Variants in DSCAML1 observed in about 807,000 individuals in gnomAD.
DSCAML1 encodes the protein cell adhesion molecule DSCAML1.
A neutral mutation model predicts 200.5 loss-of-function variants in DSCAML1; 38 were observed. The observed-to-expected ratio is 0.19, with a 90% confidence interval of 0.15 to 0.25. The LOEUF (loss-of-function observed/expected upper bound fraction) is 0.25. DSCAML1 is among the 10% of genes least tolerant of loss of function. DSCAML1 has a pLI of 1.00. For missense variants in DSCAML1, 2,223 were observed against 2,858.8 expected (o/e 0.78, Z 5.07); for synonymous variants, 1,215 against 1,165.0 (o/e 1.04, Z -0.87).
At chr11:117,699,468 T>C (rs961769761) in intron 3 of DSCAML1, among the ~76,000 whole-genome samples, 1 of 152,076 alleles carries the variant, frequency 6.6e-6, no homozygotes. Context: ...GACGGCAAAG[T>C]CCGAAGGGAG....
intron 3 of DSCAML1, among the ~76,000 whole-genome samples, chr11:117,564,755 C>CTCTCTT (rs386375018): frequency 8.7e-5 from 13 of 148,660 alleles, no homozygotes; most frequent in African/African-American, 2.7e-4. Context: ...TTCTCTCTCT[C>CTCTCTT]TCTTTCTTTC....
chr11:117,783,450 G>A lies in DSCAML1; in HGVS notation c.47-2640C>T, dbSNP rs184498723. 6.2e-4 allele frequency among the ~76,000 whole-genome samples: 94 copies of A among 152,266 alleles called. 1 individual carries two copies. The highest frequency in any genetic ancestry group is 2.2e-3 in the African/African-American group (90 of 41,548). ...GCCCTCTGTAATGATAATAGTAATAGCAATAGCCAGAACTCCAGCAATAGT... is the reference window on the plus strand; with the variant it reads ...GCCCTCTGTAATGATAATAGTAATAACAATAGCCAGAACTCCAGCAATAGT... On this transcript the variant is annotated intron_variant, in intron 1 of 32. Coordinates refer to ENST00000651296, the MANE Select transcript of DSCAML1 (RefSeq NM_020693.4).
At chr11:117,781,106 G>T (rs1160436278) in intron 1 of DSCAML1, among the ~76,000 whole-genome samples, 1 of 152,028 alleles carries the variant, frequency 6.6e-6, no homozygotes, top group African/African-American at 2.4e-5. Context: ...TGAACAGCCT[G>T]GCCAACATGA....
In DSCAML1 at chr11:117,453,726, A is replaced by ATTTCTTTC. The variant is rs142638370; in HGVS notation, c.3569-3046_3569-3039dup. Among the ~76,000 whole-genome samples the ATTTCTTTC allele has an allele frequency of 9.7e-4, 132 of 136,162 alleles. 1 individual carries two copies. The highest frequency in any genetic ancestry group is 2.6e-3 in the African/African-American group (93 of 36,102). The allele number at this position is 136,162 out of a possible 152,430, so 89.3% of individuals were successfully genotyped here. On this transcript the variant is annotated intron_variant, in intron 19 of 32. Coordinates refer to ENST00000651296, the MANE Select transcript of DSCAML1 (RefSeq NM_020693.4). ...TTTAATATGATATGCTTAGGTGTGG[A>ATTTCTTTC]TTTCTTTCTTTCTTTCTTTCTTTTT...
chr11:117,493,281 A>T (rs569015009), intron 11 of DSCAML1, among the ~76,000 whole-genome samples: 9 of 151,344 alleles, frequency 5.9e-5, no homozygotes, highest in Non-Finnish European at 1.2e-4. Flanking sequence ...TTCTCAAATG[A>T]AGATGGGGAC....
chr11:117,690,717 G>A (rs2053479445), intron 3 of DSCAML1, among the ~76,000 whole-genome samples: 1 of 152,212 alleles, frequency 6.6e-6, no homozygotes, highest in Admixed American at 6.5e-5. Flanking sequence ...TTGTGCGTAG[G>A]CCAGGCAGGT....
intron 11 of DSCAML1, among the ~76,000 whole-genome samples, chr11:117,486,339 C>A (rs1021831457): frequency 6.7e-6 from 1 of 148,658 alleles, no homozygotes; most frequent in Non-Finnish European, 1.5e-5. Flanking sequence ...GTGAAAATGG[C>A]GGATGTGATA....
At chr11:117,439,709 TG>T in intron 22 of DSCAML1, 109 bp downstream of exon 22, 1 of 1,087,132 alleles carries the variant, frequency 9.2e-7, no homozygotes, top group Non-Finnish European at 1.4e-6. Flanking sequence ...TCTGCAGGCC[TG>T]GAGGCAACCG....
chr11:117,815,042 C>T (rs941673724), intron 1 of DSCAML1, among the ~76,000 whole-genome samples: 1 of 152,358 alleles, frequency 6.6e-6, no homozygotes, highest in Non-Finnish European at 1.5e-5. Flanking sequence ...GGCTCGGGGC[C>T]AAGCCAGCCT....
chr11:117,428,360 C>T lies in DSCAML1; in HGVS notation c.6130G>A (p.Gly2044Arg), dbSNP rs754816651. 1.3e-5 allele frequency: 20 copies of T among 1,582,856 alleles called. No homozygotes were observed. Among genetic ancestry groups the T allele is most frequent in the East Asian group, 2.2e-5 (1 of 44,594 alleles). Residue 2044 changes from glycine (G) to arginine (R), a missense_variant, in exon 33 of 33, where the codon GGG becomes AGG. By Grantham distance (125) the Gly-to-Arg change is moderately radical. This residue lies in a region of DSCAML1 where 280 missense variants were observed against 213.4 expected (regional missense o/e 1.31). Coordinates refer to ENST00000651296, the MANE Select transcript of DSCAML1 (RefSeq NM_020693.4). ...GVGRSQKQGA[G>R]AYSKSYTLV Reference sequence around the variant, plus strand: ...AGGGTGTAGGATTTGGAGTAGGCCCCGGCCCCCTGCTTCTGAGACCTCCCT... The same window carrying T: ...AGGGTGTAGGATTTGGAGTAGGCCCTGGCCCCCTGCTTCTGAGACCTCCCT...
intron 3 of DSCAML1, among the ~76,000 whole-genome samples, chr11:117,688,583 G>C (rs1404470993): frequency 6.6e-6 from 1 of 152,184 alleles, no homozygotes; most frequent in African/African-American, 2.4e-5. Flanking sequence ...CAGGGAATGG[G>C]ATTTTGGGCT....
chr11:117,561,391 C>G (rs2050659666), intron 3 of DSCAML1, among the ~76,000 whole-genome samples: 1 of 152,216 alleles, frequency 6.6e-6, no homozygotes, highest in Admixed American at 6.5e-5. Flanking sequence ...GATGACTCTT[C>G]AGACCTCGCT....
At chr11:117,776,642 C>A (rs1363533020) in intron 3 of DSCAML1, 149 bp downstream of exon 3, 8 of 963,232 alleles carry the variant, frequency 8.3e-6, no homozygotes, top group Non-Finnish European at 1.2e-5. Flanking sequence ...TTTTTTTTGG[C>A]CAAAGCTTCA....
intron 20 of DSCAML1, among the ~76,000 whole-genome samples, chr11:117,445,652 T>C (rs1046718157): frequency 3.3e-5 from 5 of 152,204 alleles, no homozygotes; most frequent in East Asian, 1.9e-4. Flanking sequence ...GGGCTTGTTT[T>C]TGGTGACAGT....
In DSCAML1 at chr11:117,656,110, C is replaced by T. The variant is rs926619008; in HGVS notation, c.511+120681G>A. ...AAAATTAGCTGGGCGTGGTGGCGTA[C>T]GCCTGTAATCTCAGCCACTCGGGAA... On this transcript the variant is annotated intron_variant, in intron 3 of 32. Coordinates refer to ENST00000651296, the MANE Select transcript of DSCAML1 (RefSeq NM_020693.4). Among the ~76,000 whole-genome samples the T allele has an allele frequency of 2.6e-5, 4 of 152,200 alleles. No individual in the cohort carries two copies. The South Asian group carries it at 6.2e-4, about 24-fold the overall frequency.
intron 3 of DSCAML1, among the ~76,000 whole-genome samples, chr11:117,705,234 T>C (rs948645490): frequency 2.6e-5 from 4 of 152,186 alleles, no homozygotes; most frequent in Admixed American, 6.6e-5. Context: ...CCTCTGATGG[T>C]TACAGAGGCC....
At chr11:117,471,644 A>G (rs1236467443) in intron 15 of DSCAML1, among the ~76,000 whole-genome samples, 1 of 150,998 alleles carries the variant, frequency 6.6e-6, no homozygotes, top group African/African-American at 2.4e-5. Context: ...GTGGGGCAGA[A>G]CCACAGATAG....
intron 3 of DSCAML1, among the ~76,000 whole-genome samples, chr11:117,624,269 GGGCCACCTCAGCGA>G (rs1158502421): frequency 1.3e-5 from 2 of 152,112 alleles, no homozygotes; most frequent in African/African-American, 4.8e-5. Context: ...GAGCCAGGAG[GGGCCACCTCAGCGA>G]GGCCTGCAAC....
chr11:117,573,540 C>T (rs1415592347), intron 3 of DSCAML1, among the ~76,000 whole-genome samples: 2 of 152,180 alleles, frequency 1.3e-5, no homozygotes, highest in African/African-American at 4.8e-5. Flanking sequence ...CCAGGTAATC[C>T]CCTGGGTGGG....
Sources: allele counts gnomAD v4.1 joint callset (sites outside exome capture counted in the v4.1 genomes callset), GRCh38; gene constraint gnomAD v4.1.1; regional missense constraint gnomAD v4.1.1; transcripts MANE v1.5; gene names NCBI Gene and HGNC (gene_info 2026-07-23, HGNC 2026-07-21).